GLT1D1: variants seen among roughly 807,000 people sequenced by gnomAD.
GLT1D1 encodes the protein glycosyltransferase 1 domain containing 1.
GLT1D1 carries 21 observed loss-of-function variants against 28.7 expected under a neutral mutation model. That is an observed-to-expected ratio of 0.73 (90% CI 0.52 to 1.05). The LOEUF is 1.05. Among genes scored for constraint, GLT1D1 ranks in the 50% least tolerant of loss-of-function variants. The pLI is 0.00. For synonymous variants in GLT1D1, 147 were observed against 124.8 expected, an observed-to-expected ratio of 1.18 and a Z score of -1.19; for missense variants, 343 against 330.6, an observed-to-expected ratio of 1.04 and a Z score of -0.29.
chr12:128,929,384 C>T (rs755717048), intron 4 of GLT1D1, among the ~76,000 whole-genome samples: 8 of 152,186 alleles, frequency 5.3e-5, no homozygotes, highest in Admixed American at 1.3e-4. Context: ...ACGCACTTAG[C>T]GTTTCCAGCC....
At chr12:128,868,538 A>G (rs1161799085) in intron 1 of GLT1D1, among the ~76,000 whole-genome samples, 1 of 152,240 alleles carries the variant, frequency 6.6e-6, no homozygotes. Context: ...TAGAGGACTA[A>G]CAGGTGTTGT....
intron 4 of GLT1D1, among the ~76,000 whole-genome samples, chr12:128,900,895 C>G (rs71464419): frequency 0.042 from 6,375 of 152,228 alleles, 205 homozygotes; most frequent in Middle Eastern, 0.095. Flanking sequence ...CTCAGCCTCC[C>G]AAAGTGTTGG....
chr12:128,976,957 C>G (rs1879819296), intron 7 of GLT1D1, among the ~76,000 whole-genome samples: 1 of 152,202 alleles, frequency 6.6e-6, no homozygotes. Context: ...ACCAGCCTAG[C>G]CAACATGGCA....
intron 4 of GLT1D1, among the ~76,000 whole-genome samples, chr12:128,931,592 G>A (rs951231175): frequency 2.6e-5 from 4 of 152,160 alleles, no homozygotes; most frequent in African/African-American, 7.2e-5. Flanking sequence ...ACAGGTGTAA[G>A]CCACCGCGCC....
At chr12:128,913,681 C>T (rs551138590) in intron 4 of GLT1D1, among the ~76,000 whole-genome samples, 39 of 152,216 alleles carry the variant, frequency 2.6e-4, no homozygotes, top group Admixed American at 2.6e-4. Context: ...GGTGCTCAGG[C>T]GCACCTTAGT....
rs1215405869 is a variant in GLT1D1, at chr12:128,853,570, G to A, written c.-12G>A. The A allele has an allele frequency of 9.0e-7, 1 of 1,105,846 alleles. No homozygotes were observed. The highest frequency in any genetic ancestry group is 1.1e-6 in the Non-Finnish European group (1 of 905,120). 68.5% of individuals were successfully genotyped at this position (1,105,846 alleles called of 1,614,324 possible). ...GGCGGGGCCGGTCGATGGCCCGGGC[G>A]GCGGCGGCGGCATGCGGCTCCTGTT... On this transcript the variant is annotated 5_prime_UTR_variant, in exon 1 of 8. Transcript: ENST00000281703.
chr12:128,950,528 T>C (rs914506966), intron 6 of GLT1D1, among the ~76,000 whole-genome samples: 1 of 152,216 alleles, frequency 6.6e-6, no homozygotes, highest in African/African-American at 2.4e-5. Context: ...CAAGAAAATC[T>C]AGACATGGTG....
chr12:128,921,727 G>C lies in GLT1D1; in HGVS notation c.375+22440G>C, dbSNP rs112727692. 5.4e-3 allele frequency among the ~76,000 whole-genome samples: 825 copies of C among 151,996 alleles called. 4 individuals are homozygous for C. Among genetic ancestry groups the C allele is most frequent in the African/African-American group, 0.018 (764 of 41,448 alleles). On this transcript the variant is annotated intron_variant, in intron 4 of 7. Coordinates refer to ENST00000281703, the MANE Select transcript of GLT1D1 (RefSeq NM_144669.3). ...AATGCCAATGCGTCTTCAGAGCCTC[G>C]AGTTCTCAGTAGCTAAGTGTGTCAG... is the stretch of plus-strand genomic sequence containing the variant.
chr12:128,913,250 T>C (rs994144881), intron 4 of GLT1D1, among the ~76,000 whole-genome samples: 4 of 151,342 alleles, frequency 2.6e-5, no homozygotes, highest in Non-Finnish European at 5.9e-5. Context: ...GATGAAGTCT[T>C]GCTCTGTCGC....
intron 4 of GLT1D1, among the ~76,000 whole-genome samples, chr12:128,908,036 C>T (rs1871062728): frequency 6.6e-6 from 1 of 152,302 alleles, no homozygotes; most frequent in Middle Eastern, 3.4e-3. Context: ...GTGCCACACT[C>T]TCATCCTTTT....
At chr12:128,965,725 A>AG (rs1878383656) in intron 7 of GLT1D1, among the ~76,000 whole-genome samples, 1 of 140,790 alleles carries the variant, frequency 7.1e-6, no homozygotes, top group Non-Finnish European at 1.5e-5. Flanking sequence ...AAAAAAAAAA[A>AG]AAAAAAAAAA....
chr12:128,956,574 T>C (rs574494362), intron 6 of GLT1D1, among the ~76,000 whole-genome samples: 1 of 152,268 alleles, frequency 6.6e-6, no homozygotes, highest in East Asian at 1.9e-4. Context: ...CAACTGTTCA[T>C]CCCCGATCCT....
chr12:128,962,517 G>T (rs1051146484), intron 7 of GLT1D1, among the ~76,000 whole-genome samples: 2 of 152,188 alleles, frequency 1.3e-5, no homozygotes, highest in African/African-American at 2.4e-5. Context: ...TGGGCAGGAG[G>T]TTCAAGCTCA....
At chr12:128,885,799 GT>G (rs1362419730) in intron 2 of GLT1D1, among the ~76,000 whole-genome samples, 1 of 152,068 alleles carries the variant, frequency 6.6e-6, no homozygotes, top group African/African-American at 2.4e-5. Context: ...TATCTTTTAG[GT>G]GTCTATTTTT....
intron 4 of GLT1D1, among the ~76,000 whole-genome samples, chr12:128,922,918 A>G (rs1475371057): frequency 2.7e-5 from 2 of 72,798 alleles, no homozygotes; most frequent in Non-Finnish European, 5.7e-5. Context: ...CTGAGACTCC[A>G]TCTCAAAAAA....
At chr12:128,905,846 T>C (rs1566120059) in intron 4 of GLT1D1, among the ~76,000 whole-genome samples, 1 of 151,642 alleles carries the variant, frequency 6.6e-6, no homozygotes, top group East Asian at 1.9e-4. Flanking sequence ...TTTTTCTTTA[T>C]TAAAGGAGTC....
intron 5 of GLT1D1, 32 bp downstream of exon 9, chr12:128,945,401 G>C: frequency 6.3e-7 from 1 of 1,593,424 alleles, no homozygotes. Context: ...TCATTTTGCA[G>C]AACGGGAAGC....
intron 5 of GLT1D1, among the ~76,000 whole-genome samples, chr12:128,945,705 A>G (rs1032446201): frequency 6.6e-6 from 1 of 152,190 alleles, no homozygotes; most frequent in African/African-American, 2.4e-5. Flanking sequence ...TATAAGTTGC[A>G]TTTGTCGGCC....
At chr12:128,876,167 C>T in intron 2 of GLT1D1, 105 bp downstream of exon 2, 1 of 995,744 alleles carries the variant, frequency 1.0e-6, no homozygotes, top group Non-Finnish European at 1.5e-6. Context: ...TTATCCAGTT[C>T]AGAAATGGGA....
Sources: gnomAD v4.1 joint callset for allele counts (sites outside exome capture counted in the v4.1 genomes callset) on GRCh38, gnomAD v4.1.1 for gene constraint, MANE v1.5 for transcripts, NCBI Gene and HGNC (gene_info 2026-07-23, HGNC 2026-07-21) for gene names.